The following ADGRA1 variants were observed in gnomAD, a reference collection of about 807,000 sequenced individuals.
ADGRA1 encodes G-protein coupled receptor 123.
In ADGRA1, 12 loss-of-function variants were observed where a neutral mutation model predicts 21.3. The observed-to-expected ratio is 0.56, with a 90% CI of 0.36 to 0.91. The LOEUF (loss-of-function observed/expected upper bound fraction) is 0.91. ADGRA1 is among the 40% of genes least tolerant of loss of function. ADGRA1 has a pLI of 0.01. For missense variants in ADGRA1, 790 were observed against 805.6 expected (o/e 0.98, Z 0.23); for synonymous variants, 385 against 368.8 (o/e 1.04, Z -0.50).
chr10:133,110,937 G>A (rs893902701), intron 5 of ADGRA1, among the ~76,000 whole-genome samples: 1 of 152,146 alleles, frequency 6.6e-6, no homozygotes. Context: ...AGGTCCCCAA[G>A]CACCTGCTCC....
intron 5 of ADGRA1, among the ~76,000 whole-genome samples, chr10:133,108,269 G>T (rs1851927794): frequency 6.6e-6 from 1 of 152,234 alleles, no homozygotes; most frequent in Admixed American, 6.5e-5. Context: ...GCCTCCTGTG[G>T]GTGAGAAACC....
At chr10:133,127,097 T>G (rs972733983) in intron 5 of ADGRA1, 136 bp from the exon 6 acceptor site, 3 of 483,180 alleles carry the variant, frequency 6.2e-6, no homozygotes, top group Admixed American at 4.6e-5. Flanking sequence ...GGGTCGGGGG[T>G]CGGGGTTCTT....
At chr10:133,093,457 C>T (rs113508773) in intron 2 of ADGRA1, among the ~76,000 whole-genome samples, 2,092 of 152,336 alleles carry the variant, frequency 0.014, 18 homozygotes, top group African/African-American at 0.02. Flanking sequence ...AGCCAGAGCA[C>T]GAGTCCCACG....
intron 5 of ADGRA1, among the ~76,000 whole-genome samples, chr10:133,113,788 G>C (rs1398995483): frequency 1.3e-5 from 2 of 152,228 alleles, no homozygotes; most frequent in Non-Finnish European, 2.9e-5. Flanking sequence ...TTTGTGCGGG[G>C]AAAACCCTGG....
chr10:133,089,047 C>G (rs941222912), intron 2 of ADGRA1, 135 bp downstream of exon 2: 2 of 1,233,208 alleles, frequency 1.6e-6, no homozygotes, highest in Non-Finnish European at 2.0e-6. Context: ...GGCTCAGTGC[C>G]GGGGTGGGAG....
At chr10:133,103,655 C>T (rs1282286198) in intron 5 of ADGRA1, among the ~76,000 whole-genome samples, 1 of 152,200 alleles carries the variant, frequency 6.6e-6, no homozygotes, top group Non-Finnish European at 1.5e-5. Context: ...CCCAGACGTC[C>T]ACGTCTGGGA....
At chr10:133,116,753 C>T in intron 5 of ADGRA1, among the ~76,000 whole-genome samples, 1 of 152,108 alleles carries the variant, frequency 6.6e-6, no homozygotes. Flanking sequence ...TTTGGCCGCG[C>T]CTCTTTCTTT....
intron 3 of ADGRA1, among the ~76,000 whole-genome samples, chr10:133,097,498 C>T (rs754257385): frequency 3.9e-5 from 6 of 152,162 alleles, no homozygotes; most frequent in South Asian, 2.1e-4. Flanking sequence ...GGTGTCCAGC[C>T]GCAGTCAGGG....
chr10:133,127,635 G>A (rs12257731), intron 6 of ADGRA1, among the ~76,000 whole-genome samples: 28,410 of 152,086 alleles, frequency 0.19, 3,112 homozygotes, highest in East Asian at 0.47. Context: ...CAGCTGAGAA[G>A]GGAAACCCCA....
At chr10:133,092,651 C>G (rs1851613057) in intron 2 of ADGRA1, among the ~76,000 whole-genome samples, 1 of 151,390 alleles carries the variant, frequency 6.6e-6, no homozygotes, top group East Asian at 1.9e-4. Flanking sequence ...TTCATTGGCA[C>G]AGAACCAGGA....
chr10:133,122,897 T>C (rs770864052), intron 5 of ADGRA1, among the ~76,000 whole-genome samples: 4 of 151,562 alleles, frequency 2.6e-5, no homozygotes, highest in African/African-American at 7.3e-5. Flanking sequence ...TGTGTGTTCC[T>C]GGAGTTGTTG....
chr10:133,112,373 TG>T (rs1852052326), intron 5 of ADGRA1, among the ~76,000 whole-genome samples: 3 of 121,364 alleles, frequency 2.5e-5, no homozygotes, highest in African/African-American at 9.9e-5. Flanking sequence ...CTGCGGGCCG[TG>T]TCGGTTATTT....
At chr10:133,093,408 A>T in intron 2 of ADGRA1, 1 of 1,043,610 alleles carries the variant, frequency 9.6e-7, no homozygotes, top group Non-Finnish European at 1.4e-6. Context: ...GGGAAAACAG[A>T]GGAGGAAGTT....
At chr10:133,123,357 G>A (rs777422094) in intron 5 of ADGRA1, among the ~76,000 whole-genome samples, 12 of 152,228 alleles carry the variant, frequency 7.9e-5, no homozygotes, top group Non-Finnish European at 1.8e-4. Context: ...AGCCCGAGCG[G>A]CAGAGACTTT....
At chr10:133,122,581 T>A (rs966676391) in intron 5 of ADGRA1, among the ~76,000 whole-genome samples, 1 of 152,220 alleles carries the variant, frequency 6.6e-6, no homozygotes, top group East Asian at 1.9e-4. Context: ...ACTTTCTAGA[T>A]TTAATCATTT....
intron 2 of ADGRA1, 140 bp from the exon 3 acceptor site, chr10:133,096,834 C>A (rs868608606): frequency 4.8e-6 from 5 of 1,048,376 alleles, no homozygotes; most frequent in Non-Finnish European, 6.9e-6. Context: ...CCCCAGGCAG[C>A]CCCCCTTCCC....
intron 5 of ADGRA1, among the ~76,000 whole-genome samples, chr10:133,105,141 T>C (rs1851869498): frequency 1.3e-5 from 2 of 152,206 alleles, no homozygotes; most frequent in African/African-American, 4.8e-5. Context: ...CCAAGAATCT[T>C]GCGGTCTGGG....
At chr10:133,113,387 TG>T (rs1449882885) in intron 5 of ADGRA1, among the ~76,000 whole-genome samples, 1 of 152,220 alleles carries the variant, frequency 6.6e-6, no homozygotes, top group Non-Finnish European at 1.5e-5. Context: ...GCCTCCCCAG[TG>T]CTGGCCAGGC....
Position 133,098,778 on chromosome 10 carries a change from G to T in ADGRA1, c.255+15G>T. On this transcript the variant is annotated intron_variant, in intron 4 of 6. Coordinates refer to ENST00000392607, the MANE Select transcript of ADGRA1 (RefSeq NM_001083909.3). ...TGTGCCAGGCGGTGAGTGCCGGGGC[G>T]CCCTCGTTGGCTCCTCCCAGAGGGG... is the stretch of plus-strand genomic sequence containing the variant. 1 of 1,605,518 alleles carries T rather than the reference G, an allele frequency of 6.2e-7. No homozygotes were observed.
Sources: allele counts gnomAD v4.1 joint callset (sites outside exome capture counted in the v4.1 genomes callset), GRCh38; gene constraint gnomAD v4.1.1; transcripts MANE v1.5; gene names NCBI Gene and HGNC (gene_info 2026-07-23, HGNC 2026-07-21).